The following PAK6 variants were observed in gnomAD, a reference collection of about 807,000 sequenced individuals.
The protein encoded by PAK6 is serine/threonine-protein kinase PAK 6.
A neutral mutation model predicts 60.8 loss-of-function variants in PAK6; 33 were observed. The ratio of observed to expected loss-of-function variants is 0.54; its 90% CI spans 0.41 to 0.73. The LOEUF is 0.73. Ranked by LOEUF, PAK6 falls within the 30% of genes least tolerant of loss-of-function variation. PAK6 has a pLI of 0.00. For missense variants in PAK6, 845 were observed against 904.1 expected (o/e 0.93, Z 0.84); for synonymous variants, 404 against 378.5 (o/e 1.07, Z -0.78).
chr15:40,276,855 G>GCTGCCCCTCTCT (rs2039471238), exon 11 of PAK6: 1 of 149,964 alleles, frequency 6.7e-6, no homozygotes, highest in Admixed American at 6.7e-5. Context: ...TTTCAGGAAG[G>GCTGCCCCTCTCT]CTGCCCCTCT....
rs146635209 is a variant in PAK6, at chr15:40,263,589, A to G, written c.-5-1192A>G. Among the ~76,000 whole-genome samples, 49 of 152,244 alleles carry G rather than the reference A, an allele frequency of 3.2e-4. 1 individual carries two copies. In the Middle Eastern group the frequency reaches 0.017, roughly 53 times the overall value. ...AAAGCCAGAATCAGCAAGGCACGGG[A>G]CACAGGCTTGATTGCAGGTTAAGTG... On this transcript the variant is annotated intron_variant, in intron 3 of 10. Coordinates refer to ENST00000560346, the Ensembl canonical transcript of PAK6.
chr15:40,240,560 T>C, intron 1 of PAK6, 39 bp from the exon 2 acceptor site: 1 of 360,066 alleles, frequency 2.8e-6, no homozygotes, highest in Middle Eastern at 9.3e-4. Flanking sequence ...GGTTTTCTTT[T>C]CCTTTTTTTT....
chr15:40,268,826 A>C (rs1161301093), intron 5 of PAK6, among the ~76,000 whole-genome samples: 7 of 152,210 alleles, frequency 4.6e-5, no homozygotes, highest in African/African-American at 1.4e-4. Context: ...ACATTGGTTA[A>C]GCACCTACCG....
chr15:40,257,641 T>C (rs189236459), intron 3 of PAK6, among the ~76,000 whole-genome samples: 1 of 152,346 alleles, frequency 6.6e-6, no homozygotes, highest in Admixed American at 6.5e-5. Context: ...ACAGCAATGC[T>C]CATTTGAATG....
At chr15:40,252,952 C>T in intron 2 of PAK6, 2 of 866,946 alleles carry the variant, frequency 2.3e-6, no homozygotes, top group Non-Finnish European at 3.0e-6. Context: ...CGCGCCGGGT[C>T]GGAGTGTGGC....
chr15:40,253,939 C>T (rs1566846588), intron 3 of PAK6, among the ~76,000 whole-genome samples: 1 of 152,094 alleles, frequency 6.6e-6, no homozygotes, highest in African/African-American at 2.4e-5. Context: ...GGCAGAGGGG[C>T]TCAGGTCTGT....
intron 2 of PAK6, among the ~76,000 whole-genome samples, chr15:40,244,192 G>A (rs1029632306): frequency 3.3e-5 from 5 of 151,728 alleles, no homozygotes; most frequent in African/African-American, 1.2e-4. Flanking sequence ...TTAGCTGGAC[G>A]TGGTGGCGCG....
chr15:40,260,975 G>A (rs1306728548), intron 3 of PAK6, among the ~76,000 whole-genome samples: 1 of 150,920 alleles, frequency 6.6e-6, no homozygotes, highest in Non-Finnish European at 1.5e-5. Flanking sequence ...TGCAAGCTCC[G>A]CCTCCCAGGT....
At chr15:40,257,300 C>T (rs1028171414) in intron 3 of PAK6, among the ~76,000 whole-genome samples, 30 of 152,386 alleles carry the variant, frequency 2.0e-4, no homozygotes, top group African/African-American at 6.0e-4. Flanking sequence ...CTGACCCCTC[C>T]GGGTGGCTGC....
At chr15:40,248,453 T>C (rs975707419) in intron 2 of PAK6, among the ~76,000 whole-genome samples, 2 of 152,296 alleles carry the variant, frequency 1.3e-5, no homozygotes, top group African/African-American at 4.8e-5. Flanking sequence ...ACAGGGCTCC[T>C]CCTGCCAAGC....
At position 40,266,391 on chromosome 15, in the gene PAK6, C is replaced by T. The variant is rs768072309; in HGVS notation, c.754C>T (p.Arg252Trp). ...GGAAGGCAGCCCTAGCCCTAAGACC[C>T]GGGAGAGCAGCCTGAAGCGCAGGCT... The change falls in exon 5 of 11, where the codon CGG becomes TGG. Residue 252 changes from arginine (R) to tryptophan (W), a missense_variant. By Grantham distance (101) the Arg-to-Trp change is moderately radical. Coordinates refer to ENST00000560346, the Ensembl canonical transcript of PAK6. The T allele has an allele frequency of 4.3e-6, 7 of 1,612,952 alleles. No individual in the cohort carries two copies. In the South Asian group the frequency reaches 5.5e-5, roughly 13 times the overall value.
chr15:40,266,524 C>G, intron 5 of PAK6, 29 bp downstream of exon 5: 1 of 1,559,514 alleles, frequency 6.4e-7, no homozygotes, highest in Non-Finnish European at 8.7e-7. Context: ...CTGCAGGTGT[C>G]CACTGGGGAG....
intron 3 of PAK6, 43 bp from the exon 4 acceptor site, chr15:40,264,738 C>T: frequency 2.5e-6 from 4 of 1,573,380 alleles, no homozygotes; most frequent in Non-Finnish European, 3.5e-6. Flanking sequence ...TGCAGCCACC[C>T]CTCTTTCCCG....
intron 4 of PAK6, among the ~76,000 whole-genome samples, chr15:40,265,342 G>A (rs924270221): frequency 2.0e-5 from 3 of 152,224 alleles, no homozygotes; most frequent in African/African-American, 2.4e-5. Flanking sequence ...CCCAGACCAG[G>A]AGAATTTTAG....
intron 4 of PAK6, among the ~76,000 whole-genome samples, chr15:40,265,476 C>T (rs1474040822): frequency 1.3e-5 from 2 of 152,176 alleles, no homozygotes; most frequent in African/African-American, 4.8e-5. Context: ...GTCTCTTCCT[C>T]AGAGGGCTGG....
chr15:40,265,810 C>T, intron 4 of PAK6, 32 bp from the exon 5 acceptor site: 1 of 1,498,988 alleles, frequency 6.7e-7, no homozygotes, highest in Non-Finnish European at 8.9e-7. Context: ...AATTGGGCAG[C>T]TCCCACACAC....
chr15:40,254,230 C>G (rs962024923), intron 3 of PAK6, among the ~76,000 whole-genome samples: 1 of 152,152 alleles, frequency 6.6e-6, no homozygotes, highest in African/African-American at 2.4e-5. Flanking sequence ...CCTCATTAGG[C>G]GGTTGTGGGG....
exon 1 of PAK6, chr15:40,239,474 C>G (rs1232988102): frequency 6.6e-6 from 1 of 152,498 alleles, no homozygotes; most frequent in East Asian, 1.9e-4. Flanking sequence ...TTCTAGCTCT[C>G]CCCTCCCTAC....
Position 40,266,542 on chromosome 15 carries a change from A to G in PAK6, c.858+47A>G, listed in dbSNP as rs745916063. Reference sequence around the variant, plus strand: ...CAGGTGTCCACTGGGGAGTGGGTGTAGGGACACAGGCCTTGCCTAGCCTTC... The same window carrying G: ...CAGGTGTCCACTGGGGAGTGGGTGTGGGGACACAGGCCTTGCCTAGCCTTC... On this transcript the variant is annotated intron_variant, in intron 5 of 10. Coordinates refer to ENST00000560346, the Ensembl canonical transcript of PAK6. 2.9e-5 allele frequency: 44 copies of G among 1,520,244 alleles called. No individual in the cohort carries two copies. In the South Asian group the frequency reaches 5.5e-4, roughly 19 times the overall value. The allele number at this position is 1,520,244 out of a possible 1,614,324, so 94.2% of individuals were successfully genotyped here.
Sources: gnomAD v4.1 joint callset for allele counts (sites outside exome capture counted in the v4.1 genomes callset) on GRCh38, gnomAD v4.1.1 for gene constraint, MANE v1.5 for transcripts, NCBI Gene and HGNC (gene_info 2026-07-23, HGNC 2026-07-21) for gene names.